Variants in RNF4 observed in about 807,000 individuals in gnomAD.
RNF4 encodes the protein ring finger protein 4, also known as E3 ubiquitin-protein ligase RNF4.
In RNF4, 7 loss-of-function variants were observed where a neutral mutation model predicts 24.3. The observed-to-expected ratio is 0.29, with a 90% CI of 0.16 to 0.54. The LOEUF (loss-of-function observed/expected upper bound fraction) is 0.54, where lower values mean the gene tolerates loss of function less well. RNF4 is among the 20% of genes least tolerant of loss of function. RNF4 has a pLI of 0.95. For missense variants in RNF4, 209 were observed against 248.5 expected, an observed-to-expected ratio of 0.84 and a Z score of 1.07; for synonymous variants, 83 against 84.3, an observed-to-expected ratio of 0.98 and a Z score of 0.09.
chr4:2,484,189 G>A (rs906142443), intron 1 of RNF4, among the ~76,000 whole-genome samples: 1 of 151,354 alleles, frequency 6.6e-6, no homozygotes, highest in Non-Finnish European at 1.5e-5. Context: ...GGGGTTTGAG[G>A]GTTCTGTGTA....
chr4:2,504,225 T>G (rs1735999196), intron 4 of RNF4, among the ~76,000 whole-genome samples: 1 of 152,244 alleles, frequency 6.6e-6, no homozygotes, highest in African/African-American at 2.4e-5. Flanking sequence ...ACTTTCATTT[T>G]TGGCATTGCA....
intron 2 of RNF4, chr4:2,490,764 A>G: frequency 2.5e-6 from 1 of 399,442 alleles, no homozygotes. Flanking sequence ...AGACCTTCAC[A>G]ACAGTTGTCA....
At chr4:2,499,187 ACT>A (rs1247872513) in intron 3 of RNF4, 5 of 375,474 alleles carry the variant, frequency 1.3e-5, no homozygotes, top group African/African-American at 8.8e-5. Flanking sequence ...ACAGAGCGAG[ACT>A]CTGTCTCAAA....
chr4:2,508,987 C>T (rs1474927171), intron 4 of RNF4, among the ~76,000 whole-genome samples: 1 of 136,084 alleles, frequency 7.3e-6, no homozygotes, highest in Non-Finnish European at 1.5e-5. Flanking sequence ...CAATGGATCT[C>T]AGCTCACTGC....
chr4:2,502,125 CCT>C (rs996964255), intron 4 of RNF4, among the ~76,000 whole-genome samples: 2 of 152,190 alleles, frequency 1.3e-5, no homozygotes, highest in African/African-American at 2.4e-5. Context: ...TGATTTTTCC[CCT>C]CTTTCTTTTT....
At chr4:2,475,699 G>A (rs943648824) in intron 1 of RNF4, among the ~76,000 whole-genome samples, 1 of 152,152 alleles carries the variant, frequency 6.6e-6, no homozygotes, top group Non-Finnish European at 1.5e-5. Flanking sequence ...GTCCAGGCTG[G>A]TCTCAGACTC....
intron 1 of RNF4, among the ~76,000 whole-genome samples, chr4:2,472,155 A>G (rs967607734): frequency 2.6e-5 from 4 of 152,168 alleles, no homozygotes; most frequent in African/African-American, 4.8e-5. Flanking sequence ...ACTAGTGCTC[A>G]TTTACCATTC....
chr4:2,498,846 G>C (rs191941433), intron 3 of RNF4, among the ~76,000 whole-genome samples: 28 of 152,270 alleles, frequency 1.8e-4, no homozygotes, highest in African/African-American at 6.7e-4. Context: ...AGCCGTGATC[G>C]TGCCACTGCA....
At chr4:2,495,823 G>A (rs1388611490) in intron 2 of RNF4, among the ~76,000 whole-genome samples, 1 of 152,122 alleles carries the variant, frequency 6.6e-6, no homozygotes, top group Non-Finnish European at 1.5e-5. Context: ...GTAGAGACGG[G>A]TTTCACCGTG....
At position 2,503,924 on chromosome 4, in the gene RNF4, T is replaced by C. The variant is rs1735990845; in HGVS notation, c.204+3186T>C. Among the ~76,000 whole-genome samples the C allele has an allele frequency of 2.0e-5, 3 of 152,208 alleles. No homozygotes were observed. The South Asian group carries it at 6.2e-4, about 32-fold the overall frequency. On this transcript the variant is annotated intron_variant, in intron 4 of 7. Transcript: ENST00000314289. ...GGATACCAGGATCCAGAGGTAGCCG[T>C]CAGAACATCAGGGAACCCTCTAAAC... is the stretch of plus-strand genomic sequence containing the variant.
intron 1 of RNF4, among the ~76,000 whole-genome samples, chr4:2,484,853 A>G (rs1267525996): frequency 1.3e-5 from 2 of 152,070 alleles, no homozygotes; most frequent in Non-Finnish European, 2.9e-5. Context: ...CTTGGTCTAC[A>G]GTCTGACTTG....
intron 4 of RNF4, 76 bp downstream of exon 4, chr4:2,500,814 G>T: frequency 7.3e-7 from 1 of 1,377,674 alleles, no homozygotes; most frequent in African/African-American, 1.4e-5. Flanking sequence ...GACAGCCTTG[G>T]TCACAGACTC....
At chr4:2,499,545 G>T in intron 3 of RNF4, 1 of 253,710 alleles carries the variant, frequency 3.9e-6, no homozygotes, top group South Asian at 3.3e-5. Context: ...CAAAGTGCTG[G>T]GATTACAGGT....
At chr4:2,501,510 AG>A (rs1735910573) in intron 4 of RNF4, among the ~76,000 whole-genome samples, 2 of 152,190 alleles carry the variant, frequency 1.3e-5, no homozygotes, top group African/African-American at 4.8e-5. Flanking sequence ...GCCTGCCAGG[AG>A]GGAGGCCTTG....
chr4:2,471,265 C>A (rs1734899907), intron 1 of RNF4, among the ~76,000 whole-genome samples: 1 of 152,178 alleles, frequency 6.6e-6, no homozygotes, highest in Non-Finnish European at 1.5e-5. Flanking sequence ...CCATGCCCAG[C>A]CCCAAACCTT....
intron 1 of RNF4, among the ~76,000 whole-genome samples, chr4:2,471,549 G>A (rs2108745867): frequency 6.6e-6 from 1 of 151,814 alleles, no homozygotes; most frequent in East Asian, 1.9e-4. Context: ...TTTATCCTTA[G>A]TGAGAAAGGC....
intron 1 of RNF4, among the ~76,000 whole-genome samples, chr4:2,482,055 C>A (rs1289804892): frequency 6.6e-6 from 1 of 152,176 alleles, no homozygotes; most frequent in East Asian, 1.9e-4. Flanking sequence ...GTTTGGCTAG[C>A]CCTTTGGTGA....
intron 1 of RNF4, among the ~76,000 whole-genome samples, chr4:2,471,333 G>A (rs1195643486): frequency 6.6e-6 from 1 of 152,160 alleles, no homozygotes; most frequent in Non-Finnish European, 1.5e-5. Context: ...ACCATGAATA[G>A]CACTCATATA....
At chr4:2,491,892 C>T (rs899101076) in intron 2 of RNF4, among the ~76,000 whole-genome samples, 3 of 151,364 alleles carry the variant, frequency 2.0e-5, no homozygotes, top group Non-Finnish European at 2.9e-5. Flanking sequence ...CACCACCGCA[C>T]CTGGCCAATT....
Sources: gnomAD v4.1 joint callset for allele counts (sites outside exome capture counted in the v4.1 genomes callset) on GRCh38, gnomAD v4.1.1 for gene constraint, MANE v1.5 for transcripts, NCBI Gene and HGNC (gene_info 2026-07-23, HGNC 2026-07-21) for gene names.